Variants in PDE3A observed in about 807,000 individuals in gnomAD.
The protein encoded by PDE3A is cGMP-inhibited 3',5'-cyclic phosphodiesterase 3A.
In PDE3A, 43 loss-of-function variants were observed where a neutral mutation model predicts 98.3. That is an observed-to-expected ratio of 0.44 (90% CI 0.34 to 0.56). The LOEUF is 0.56. PDE3A is among the 20% of genes least tolerant of loss of function. PDE3A has a pLI of 0.01. For synonymous variants in PDE3A, 663 were observed against 567.9 expected (o/e 1.17, Z -2.38); for missense variants, 1,427 against 1,440.7 (o/e 0.99, Z 0.15).
Position 20,456,936 on chromosome 12 carries a change from A to G in PDE3A, c.960+86692A>G, listed in dbSNP as rs374650860. Among the ~76,000 whole-genome samples the G allele has an allele frequency of 7.2e-5, 11 of 152,258 alleles. No individual in the cohort carries two copies. In the East Asian group the frequency reaches 1.2e-3, roughly 16 times the overall value. Reference sequence around the variant, plus strand: ...TAAGCATTGAGATGCTTTGTCAAGTATCCTTAGCTTCTGCTTTCTCTTCCC... The same window carrying G: ...TAAGCATTGAGATGCTTTGTCAAGTGTCCTTAGCTTCTGCTTTCTCTTCCC... On this transcript the variant is annotated intron_variant, in intron 1 of 15. Transcript: ENST00000359062.
At chr12:20,512,757 TTAGA>T (rs1370001823) in intron 1 of PDE3A, among the ~76,000 whole-genome samples, 1 of 152,114 alleles carries the variant, frequency 6.6e-6, no homozygotes. Context: ...CTTCGTTACG[TTAGA>T]TAGTGTCCTA....
intron 1 of PDE3A, among the ~76,000 whole-genome samples, chr12:20,385,079 T>C (rs928975640): frequency 2.0e-5 from 3 of 152,096 alleles, no homozygotes; most frequent in African/African-American, 7.2e-5. Context: ...ATGGTATTAC[T>C]GGTTCTAGGT....
intron 1 of PDE3A, among the ~76,000 whole-genome samples, chr12:20,395,795 G>A (rs1565535862): frequency 1.3e-5 from 2 of 151,250 alleles, no homozygotes; most frequent in East Asian, 3.9e-4. Flanking sequence ...CTTCAAGACA[G>A]TAAACTAACG....
chr12:20,551,308 GTT>G, intron 1 of PDE3A, among the ~76,000 whole-genome samples: 1 of 151,498 alleles, frequency 6.6e-6, no homozygotes, highest in Non-Finnish European at 1.5e-5. Context: ...CTTTACCTAA[GTT>G]TACTACAGAT....
rs544585052 is a variant in PDE3A, at chr12:20,414,300, A to G, written c.960+44056A>G. ...CTCTTGAGAATACAAGTACTTAACA[A>G]GAGAGTAGAGGTGAATTTAGGGCAG... On this transcript the variant is annotated intron_variant, in intron 1 of 15. Coordinates refer to ENST00000359062, the MANE Select transcript of PDE3A (RefSeq NM_000921.5). 1.2e-3 allele frequency among the ~76,000 whole-genome samples: 188 copies of G among 152,326 alleles called. 2 individuals carry two copies. The highest frequency in any genetic ancestry group is 4.5e-3 in the African/African-American group (187 of 41,584).
Position 20,529,977 on chromosome 12 carries a change from G to A in PDE3A, c.961-26683G>A, listed in dbSNP as rs187404254. Among the ~76,000 whole-genome samples, 10 of 152,178 alleles carry A rather than the reference G, an allele frequency of 6.6e-5. 1 individual carries two copies. The highest frequency in any genetic ancestry group is 3.3e-4 in the Admixed American group (5 of 15,284). On this transcript the variant is annotated intron_variant, in intron 1 of 15. Transcript: ENST00000359062. ...CTTTTGCTGTAAAGATAAATGCACC[G>A]TAATTCACAAATTGTTATGAGGACT...
At chr12:20,624,509 A>G (rs1944212333) in intron 5 of PDE3A, among the ~76,000 whole-genome samples, 1 of 152,176 alleles carries the variant, frequency 6.6e-6, no homozygotes, top group Admixed American at 6.5e-5. Context: ...CCACATGGGC[A>G]GGTGGTAGGA....
intron 1 of PDE3A, among the ~76,000 whole-genome samples, chr12:20,405,148 G>T (rs1944210121): frequency 6.6e-6 from 1 of 152,056 alleles, no homozygotes; most frequent in Non-Finnish European, 1.5e-5. Flanking sequence ...TGCCCAAACC[G>T]CTGCTTCTTA....
chr12:20,413,620 G>A (rs1323190330), intron 1 of PDE3A, among the ~76,000 whole-genome samples: 1 of 152,180 alleles, frequency 6.6e-6, no homozygotes, highest in East Asian at 1.9e-4. Flanking sequence ...TGTGGGAGCT[G>A]AGCAACAAGT....
chr12:20,462,420 G>A (rs1945266790), intron 1 of PDE3A, among the ~76,000 whole-genome samples: 1 of 152,146 alleles, frequency 6.6e-6, no homozygotes, highest in Non-Finnish European at 1.5e-5. Flanking sequence ...GAACCTGGGA[G>A]GCAGAGATTT....
intron 1 of PDE3A, chr12:20,449,805 T>G: frequency 1.9e-6 from 1 of 529,976 alleles, no homozygotes. Context: ...TCAGTTTTGG[T>G]TGCTGGCTTC....
At chr12:20,414,439 C>G (rs1400206392) in intron 1 of PDE3A, among the ~76,000 whole-genome samples, 3 of 152,166 alleles carry the variant, frequency 2.0e-5, no homozygotes, top group African/African-American at 7.2e-5. Context: ...ATAAATTTCT[C>G]TAAGTCATGC....
chr12:20,677,066 T>G (rs918593216), intron 15 of PDE3A, among the ~76,000 whole-genome samples: 1 of 152,202 alleles, frequency 6.6e-6, no homozygotes, highest in African/African-American at 2.4e-5. Context: ...CTGACTGGGT[T>G]ATGTCAAAAG....
chr12:20,465,305 A>C (rs1945322307), intron 1 of PDE3A, among the ~76,000 whole-genome samples: 1 of 152,202 alleles, frequency 6.6e-6, no homozygotes, highest in Non-Finnish European at 1.5e-5. Flanking sequence ...ACGCTCATTC[A>C]CAGCTCTGAT....
chr12:20,524,789 C>G (rs1046661465), intron 1 of PDE3A, among the ~76,000 whole-genome samples: 2 of 151,994 alleles, frequency 1.3e-5, no homozygotes, highest in African/African-American at 2.4e-5. Flanking sequence ...TCTGTCTCAC[C>G]CCATTCCTTG....
chr12:20,653,873 A>T, intron 14 of PDE3A, 74 bp from the exon 15 acceptor site: 2 of 1,493,800 alleles, frequency 1.3e-6, no homozygotes, highest in Non-Finnish European at 1.8e-6. Context: ...TTGTGCATTA[A>T]TGCCTGGGGT....
At chr12:20,538,362 G>A (rs554060243) in intron 1 of PDE3A, among the ~76,000 whole-genome samples, 1 of 152,172 alleles carries the variant, frequency 6.6e-6, no homozygotes, top group South Asian at 2.1e-4. Context: ...GGGAAAATAG[G>A]AAGGCAGAAA....
chr12:20,568,253 A>G (rs2121303165), intron 2 of PDE3A, among the ~76,000 whole-genome samples: 1 of 152,146 alleles, frequency 6.6e-6, no homozygotes, highest in Non-Finnish European at 1.5e-5. Flanking sequence ...AATAAAAGTC[A>G]TAACATTTAG....
chr12:20,668,240 A>G (rs1378298695), intron 15 of PDE3A, among the ~76,000 whole-genome samples: 1 of 152,218 alleles, frequency 6.6e-6, no homozygotes, highest in Non-Finnish European at 1.5e-5. Context: ...GCAGTCTGAG[A>G]TCAAACTGCA....
Sources: gnomAD v4.1 joint callset for allele counts (sites outside exome capture counted in the v4.1 genomes callset) on GRCh38, gnomAD v4.1.1 for gene constraint, MANE v1.5 for transcripts, NCBI Gene and HGNC (gene_info 2026-07-23, HGNC 2026-07-21) for gene names.